The following NELFB variants were observed in gnomAD, a reference collection of about 807,000 sequenced individuals.
NELFB encodes the protein negative elongation factor complex member B.
NELFB carries 34 observed loss-of-function variants against 60.2 expected under a neutral mutation model. That is an observed-to-expected ratio of 0.56 (90% CI 0.43 to 0.75). NELFB has a LOEUF of 0.75. Among genes scored for constraint, NELFB ranks in the 30% least tolerant of loss-of-function variants. NELFB has a pLI of 0.00. For missense variants in NELFB, 770 were observed against 831.6 expected (o/e 0.93, Z 0.91); for synonymous variants, 459 against 382.1 (o/e 1.20, Z -2.35).
At chr9:137,271,940 C>T (rs1830588743) in intron 10 of NELFB, 141 bp from the exon 11 acceptor site, 2 of 1,053,512 alleles carry the variant, frequency 1.9e-6, no homozygotes, top group Non-Finnish European at 2.8e-6. Flanking sequence ...CCTGCTGAGA[C>T]CCTGTGCTTC....
In NELFB at chr9:137,265,916, C is replaced by CCCCT; in HGVS notation, c.1080_1081insCCCT (p.Thr361ProfsTer73). On this transcript the variant is annotated frameshift_variant, in exon 7 of 13. Transcript: ENST00000343053. LOFTEE classifies it high-confidence loss of function. ...TCCTGTGTGACCCCTTCGCCATCAA[C>CCCCT]ACGCTGGCACTGAGCACAGTCAGGC... The CCCCT allele has an allele frequency of 6.2e-7, 1 of 1,613,224 alleles. No individual in the cohort carries two copies. The highest frequency in any genetic ancestry group is 1.1e-5 in the South Asian group (1 of 91,084).
chr9:137,258,265 C>T (rs758962174), intron 4 of NELFB, among the ~76,000 whole-genome samples: 10 of 151,324 alleles, frequency 6.6e-5, no homozygotes, highest in East Asian at 1.9e-4. Flanking sequence ...CTGGGACCAC[C>T]GGTGTGTGAC....
chr9:137,267,336 G>A lies in NELFB; in HGVS notation c.1479G>A (p.Leu493=). The A allele has an allele frequency of 6.2e-7, 1 of 1,608,288 alleles. No homozygotes were observed. The highest frequency in any genetic ancestry group is 8.5e-7 in the Non-Finnish European group (1 of 1,177,570). The change falls in exon 10 of 13, where the codon CTG becomes CTA. Residue 493 remains leucine (L), a synonymous_variant. Transcript: ENST00000343053. ...ACAAGAACGCGCTCCTCCGCCTGCT[G>A]CCCGGGCTGGGTAAGTCCTGACGGG...
At chr9:137,266,865 G>A (rs1830523614) in intron 8 of NELFB, 79 bp from the exon 9 acceptor site, 1 of 1,554,490 alleles carries the variant, frequency 6.4e-7, no homozygotes, top group Non-Finnish European at 8.7e-7. Context: ...GGAGGGCCAG[G>A]GGCAGGGTGT....
chr9:137,272,481 C>A, intron 11 of NELFB, 26 bp from the exon 12 acceptor site: 1 of 1,596,734 alleles, frequency 6.3e-7, no homozygotes, highest in Non-Finnish European at 8.5e-7. Flanking sequence ...CTGCCTCCTG[C>A]CCCAGCCCTG....
rs772619766 is a variant in NELFB, at chr9:137,263,120, G to T, written c.825G>T (p.Leu275=). Residue 275 remains leucine (L), a synonymous_variant, in exon 5 of 13, where the codon CTG becomes CTT. Coordinates refer to ENST00000343053, the MANE Select transcript of NELFB (RefSeq NM_015456.5). ...TGCAGTTTCTGCGCACGCTCTTCCT[G>T]CGCACGCGGAATGTGCACTACTGCA... The T allele has an allele frequency of 1.2e-6, 2 of 1,614,108 alleles. No homozygotes were observed. The highest frequency in any genetic ancestry group is 2.2e-5 in the South Asian group (2 of 91,090).
intron 2 of NELFB, 96 bp downstream of exon 2, chr9:137,256,166 C>A: frequency 6.9e-7 from 1 of 1,446,246 alleles, no homozygotes; most frequent in Non-Finnish European, 9.6e-7. Context: ...GGCTCCACAT[C>A]CTTGCTCCCA....
At chr9:137,256,521 G>C (rs2131472635) in intron 3 of NELFB, 93 bp downstream of exon 3, 1 of 1,152,028 alleles carries the variant, frequency 8.7e-7, no homozygotes, top group African/African-American at 1.5e-5. Context: ...CTAGCTCCGG[G>C]AGCTTCCTGT....
chr9:137,272,004 G>C, intron 10 of NELFB, 77 bp from the exon 11 acceptor site: 2 of 1,582,032 alleles, frequency 1.3e-6, no homozygotes, highest in Non-Finnish European at 1.7e-6. Flanking sequence ...AGTAGGTTCT[G>C]AGGTCTTTGA....
rs202148168 is a variant in NELFB, at chr9:137,272,212, G to A, written c.1621G>A (p.Ala541Thr). ...CCTCTTCGATGGCTTCTTCCTCACCGCCTCTCCAAGGTAGGCCTGCTGGGT... is the reference window on the plus strand; with the variant it reads ...CCTCTTCGATGGCTTCTTCCTCACCACCTCTCCAAGGTAGGCCTGCTGGGT... The change falls in exon 11 of 13, where the codon GCC (alanine) becomes ACC (threonine). Residue 541 changes from alanine (A) to threonine (T), a missense_variant. By Grantham distance (58) the Ala-to-Thr change is moderately conservative. Coordinates refer to ENST00000343053, the MANE Select transcript of NELFB (RefSeq NM_015456.5). The A allele has an allele frequency of 2.7e-5, 43 of 1,614,052 alleles. No individual in the cohort carries two copies. The Admixed American group carries it at 4.8e-4, about 18-fold the overall frequency.
chr9:137,258,942 G>C (rs1393171295), intron 4 of NELFB, among the ~76,000 whole-genome samples: 1 of 152,156 alleles, frequency 6.6e-6, no homozygotes, highest in Non-Finnish European at 1.5e-5. Flanking sequence ...GGTGGCTCAC[G>C]CCTGTACTCC....
intron 10 of NELFB, among the ~76,000 whole-genome samples, chr9:137,271,331 A>G (rs1294401418): frequency 6.6e-6 from 1 of 152,248 alleles, no homozygotes; most frequent in Non-Finnish European, 1.5e-5. Flanking sequence ...GTCCTCATAA[A>G]GGCCCCATCC....
At chr9:137,261,913 A>G (rs1830451514) in intron 4 of NELFB, among the ~76,000 whole-genome samples, 1 of 151,918 alleles carries the variant, frequency 6.6e-6, no homozygotes, top group Non-Finnish European at 1.5e-5. Context: ...ATCTCCAATG[A>G]TAGGTAAGGT....
At chr9:137,272,718 C>T in intron 12 of NELFB, 64 bp from the exon 13 acceptor site, 1 of 1,518,536 alleles carries the variant, frequency 6.6e-7, no homozygotes, top group Admixed American at 2.0e-5. Context: ...CGGTGGGCAC[C>T]CACCCCTGTG....
intron 10 of NELFB, among the ~76,000 whole-genome samples, chr9:137,268,667 G>T (rs1195363534): frequency 6.6e-6 from 1 of 152,186 alleles, no homozygotes; most frequent in Non-Finnish European, 1.5e-5. Flanking sequence ...CATCTGGCTG[G>T]GGCTTTTTGC....
intron 4 of NELFB, among the ~76,000 whole-genome samples, chr9:137,260,475 CGT>C (rs1332646692): frequency 9.0e-6 from 1 of 111,554 alleles, no homozygotes; most frequent in East Asian, 2.5e-4. Flanking sequence ...TTTTTTGAGA[CGT>C]AGTGTCCTTC....
rs1321569667 is a variant in NELFB, at chr9:137,256,401, G to A, written c.483G>A (p.Val161=). Residue 161 remains valine (V), a synonymous_variant, in exon 3 of 13, where the codon GTG becomes GTA. Coordinates refer to ENST00000343053, the MANE Select transcript of NELFB (RefSeq NM_015456.5). ...AGATGCCGTCCCTGCAGCCCGTGGT[G>A]ATGTGCGTCATGAAGCACCTGCCCA... 1 of 1,613,952 alleles carries A rather than the reference G, an allele frequency of 6.2e-7. No individual in the cohort carries two copies. Among genetic ancestry groups the A allele is most frequent in the Non-Finnish European group, 8.5e-7 (1 of 1,180,018 alleles).
chr9:137,264,289 C>A lies in NELFB; in HGVS notation c.972C>A (p.Asp324Glu), dbSNP rs765371667. The change falls in exon 6 of 13, where the codon GAC (aspartate) becomes GAA (glutamate). Residue 324 changes from aspartate to glutamate, a missense_variant. By Grantham distance (45) the Asp-to-Glu change is conservative (BLOSUM62 2). Transcript: ENST00000343053. ...CCTGCATCCGAGAGCGGTTCGTGGA[C>A]AGCAAGAGGGCGCGGGAGCTGCAGG... 5.0e-6 allele frequency: 8 copies of A among 1,605,298 alleles called. No homozygotes were observed. Among genetic ancestry groups the A allele is most frequent in the Non-Finnish European group, 5.1e-6 (6 of 1,177,050 alleles).
At position 137,264,219 on chromosome 9, in the gene NELFB, G is replaced by T. The variant is rs1261741055; in HGVS notation, c.928-26G>T. The stretch of plus-strand genomic sequence containing the variant: ...TGGTCATCCTGGGAGGTTTGGGCTG[G>T]TCCCGACCGTGCTTCCTCCTTGCAG... On this transcript the variant is annotated intron_variant, in intron 5 of 12. Coordinates refer to ENST00000343053, the MANE Select transcript of NELFB (RefSeq NM_015456.5). The T allele has an allele frequency of 8.4e-6, 13 of 1,544,408 alleles. No homozygotes were observed. In the East Asian group the frequency reaches 2.6e-4, roughly 31 times the overall value.
Sources: allele counts gnomAD v4.1 joint callset (sites outside exome capture counted in the v4.1 genomes callset), GRCh38; gene constraint gnomAD v4.1.1; transcripts MANE v1.5; gene names NCBI Gene and HGNC (gene_info 2026-07-23, HGNC 2026-07-21).